PLLP: variants seen among roughly 807,000 people sequenced by gnomAD.
PLLP encodes plasmolipin.
In PLLP, 15 loss-of-function variants were observed where a neutral mutation model predicts 19.7. The ratio of observed to expected loss-of-function variants is 0.76; its 90% CI spans 0.51 to 1.17. The LOEUF (loss-of-function observed/expected upper bound fraction) is 1.17, where lower values mean the gene tolerates loss of function less well. PLLP is among the 50% of genes most tolerant of loss of function. The pLI is 0.00. For synonymous variants in PLLP, 111 were observed against 116.3 expected, an observed-to-expected ratio of 0.95 and a Z score of 0.29; for missense variants, 255 against 258.3, an observed-to-expected ratio of 0.99 and a Z score of 0.09.
chr16:57,261,136 C>T (rs576250171), intron 2 of PLLP, among the ~76,000 whole-genome samples: 12 of 151,908 alleles, frequency 7.9e-5, no homozygotes, highest in African/African-American at 2.4e-4. Context: ...TAGAGGCGCG[C>T]GCCACCACAC....
At chr16:57,277,365 G>A (rs1045878412) in intron 1 of PLLP, among the ~76,000 whole-genome samples, 36 of 152,126 alleles carry the variant, frequency 2.4e-4, no homozygotes, top group African/African-American at 6.3e-4. Flanking sequence ...CGAGGCGGGC[G>A]GATCACCTGA....
At chr16:57,271,926 AG>A (rs1434364173) in intron 1 of PLLP, among the ~76,000 whole-genome samples, 22 of 151,950 alleles carry the variant, frequency 1.4e-4, no homozygotes, top group Non-Finnish European at 8.8e-5. Flanking sequence ...CCTCCTTCCC[AG>A]GGTCTCCTAG....
intron 1 of PLLP, among the ~76,000 whole-genome samples, chr16:57,272,963 A>C (rs1478688456): frequency 6.6e-6 from 1 of 151,202 alleles, no homozygotes; most frequent in Non-Finnish European, 1.5e-5. Flanking sequence ...TCTCAAAAAA[A>C]AGTTGGGGGT....
chr16:57,284,369 C>G (rs1320733909), intron 1 of PLLP, 37 bp downstream of exon 1: 1 of 1,332,874 alleles, frequency 7.5e-7, no homozygotes, highest in African/African-American at 1.5e-5. Flanking sequence ...GGACCGGGAG[C>G]CCCCGGCCAA....
chr16:57,276,541 A>C (rs1901155732), intron 1 of PLLP, among the ~76,000 whole-genome samples: 1 of 151,374 alleles, frequency 6.6e-6, no homozygotes, highest in South Asian at 2.1e-4. Context: ...GCAGTGAGTC[A>C]AGATCATGCC....
At chr16:57,261,066 C>T (rs933717448) in intron 2 of PLLP, among the ~76,000 whole-genome samples, 5 of 152,014 alleles carry the variant, frequency 3.3e-5, no homozygotes, top group African/African-American at 1.2e-4. Flanking sequence ...CGGCTCACTG[C>T]AATCTCCGCC....
At chr16:57,271,145 A>G (rs2075473778) in intron 1 of PLLP, among the ~76,000 whole-genome samples, 1 of 152,164 alleles carries the variant, frequency 6.6e-6, no homozygotes, top group Non-Finnish European at 1.5e-5. Flanking sequence ...CCTGGGTCTC[A>G]GAGCAGAGAG....
At chr16:57,266,302 G>A (rs1441322978) in intron 1 of PLLP, among the ~76,000 whole-genome samples, 3 of 152,156 alleles carry the variant, frequency 2.0e-5, no homozygotes, top group South Asian at 4.1e-4. Context: ...AATTTCTGGC[G>A]TTCTTTCTGG....
At position 57,258,481 on chromosome 16, in the gene PLLP, T is replaced by A; in HGVS notation, c.413A>T (p.Asn138Ile). ...ACTCACCGAGGCAGCCGCGCGCTGGTTATAAGGCCGGGTGCCCCTCAGGGA... is the reference window on the plus strand; with the variant it reads ...ACTCACCGAGGCAGCCGCGCGCTGGATATAAGGCCGGGTGCCCCTCAGGGA... ...LTSLRGTRPY[N>I]QRAAASFFAC... Residue 138 changes from asparagine to isoleucine, a missense_variant, in exon 3 of 4, where the codon AAC (asparagine) becomes ATC (isoleucine). Asn to Ile is a moderately radical substitution (Grantham distance 149, BLOSUM62 -3). Coordinates refer to ENST00000219207, the MANE Select transcript of PLLP (RefSeq NM_015993.3). 6.2e-7 allele frequency: 1 copy of A among 1,611,928 alleles called. No individual in the cohort carries two copies. The highest frequency in any genetic ancestry group is 1.3e-5 in the African/African-American group (1 of 74,920).
At position 57,277,278 on chromosome 16, in the gene PLLP, G is replaced by A. The variant is rs369947481; in HGVS notation, c.135+7128C>T. 1.5e-4 allele frequency among the ~76,000 whole-genome samples: 23 copies of A among 152,336 alleles called. No individual in the cohort carries two copies. In the South Asian group the frequency reaches 4.6e-3, roughly 30 times the overall value. ...CCTGTCTATTTTATTCTTGAGCATT[G>A]TAAATACATTACCTATTAAAGAAAT... On this transcript the variant is annotated intron_variant, in intron 1 of 3. Coordinates refer to ENST00000219207, the MANE Select transcript of PLLP (RefSeq NM_015993.3).
intron 1 of PLLP, among the ~76,000 whole-genome samples, chr16:57,279,076 C>T (rs1901187419): frequency 6.6e-6 from 1 of 152,198 alleles, no homozygotes; most frequent in Admixed American, 6.5e-5. Context: ...GCATAAGAAC[C>T]CTCGGATCCT....
chr16:57,272,326 G>A (rs1442167992), intron 1 of PLLP, among the ~76,000 whole-genome samples: 2 of 152,184 alleles, frequency 1.3e-5, no homozygotes, highest in Non-Finnish European at 2.9e-5. Flanking sequence ...TATTTGAAGA[G>A]AGCATCACTG....
intron 1 of PLLP, among the ~76,000 whole-genome samples, chr16:57,273,094 T>TA (rs1307376903): frequency 6.0e-5 from 9 of 149,830 alleles, no homozygotes; most frequent in Non-Finnish European, 7.4e-5. Context: ...CCGTCTCTAC[T>TA]AAAAAAATAC....
chr16:57,272,399 C>A (rs970629260), intron 1 of PLLP, among the ~76,000 whole-genome samples: 6 of 152,192 alleles, frequency 3.9e-5, no homozygotes, highest in Admixed American at 6.5e-5. Flanking sequence ...GCTGGGATAA[C>A]AAGAAGCTTA....
At chr16:57,283,984 C>G (rs1322104964) in intron 1 of PLLP, among the ~76,000 whole-genome samples, 1 of 151,948 alleles carries the variant, frequency 6.6e-6, no homozygotes, top group African/African-American at 2.4e-5. Flanking sequence ...CCCTAGAGGG[C>G]TGGGGGCACT....
At chr16:57,278,751 C>G (rs868614586) in intron 1 of PLLP, among the ~76,000 whole-genome samples, 2 of 152,134 alleles carry the variant, frequency 1.3e-5, no homozygotes, top group African/African-American at 4.8e-5. Context: ...AGGGAAGCCC[C>G]GGGAGTCTCA....
chr16:57,274,556 G>A (rs931078911), intron 1 of PLLP, among the ~76,000 whole-genome samples: 5 of 150,658 alleles, frequency 3.3e-5, no homozygotes, highest in Non-Finnish European at 7.4e-5. Context: ...GGGTTCAAGC[G>A]ATTCTCATGC....
chr16:57,273,666 G>A (rs752097511), intron 1 of PLLP, among the ~76,000 whole-genome samples: 13 of 152,230 alleles, frequency 8.5e-5, no homozygotes, highest in Non-Finnish European at 1.8e-4. Flanking sequence ...GGATCTGTCA[G>A]ATAATCTCTG....
Position 57,266,120 on chromosome 16 carries a change from A to G in PLLP, c.136-4050T>C, listed in dbSNP as rs140293939. On this transcript the variant is annotated intron_variant, in intron 1 of 3. Coordinates refer to ENST00000219207, the MANE Select transcript of PLLP (RefSeq NM_015993.3). ...TACTATGAGTTATTTAGTGAAGTGTAAAAAATGAGGACACTTCAGCTGGCT... is the reference window on the plus strand; with the variant it reads ...TACTATGAGTTATTTAGTGAAGTGTGAAAAATGAGGACACTTCAGCTGGCT... 8.7e-3 allele frequency among the ~76,000 whole-genome samples: 1,319 copies of G among 152,266 alleles called. 23 individuals carry two copies. The highest frequency in any genetic ancestry group is 0.029 in the African/African-American group (1,193 of 41,550).
Sources: gnomAD v4.1 joint callset for allele counts (sites outside exome capture counted in the v4.1 genomes callset) on GRCh38, gnomAD v4.1.1 for gene constraint, MANE v1.5 for transcripts, NCBI Gene and HGNC (gene_info 2026-07-23, HGNC 2026-07-21) for gene names.